Variants in POMT2 observed in about 807,000 individuals in gnomAD.
The protein encoded by POMT2 is protein O-mannosyl-transferase 2.
In POMT2, 75 loss-of-function variants were observed where a neutral mutation model predicts 100.0. That is an observed-to-expected ratio of 0.75 (90% CI 0.62 to 0.91). The LOEUF is 0.91. Ranked by LOEUF, POMT2 falls within the 40% of genes least tolerant of loss-of-function variation. POMT2 has a pLI of 0.00. For synonymous variants in POMT2, 378 were observed against 374.1 expected, an observed-to-expected ratio of 1.01 and a Z score of -0.12; for missense variants, 940 against 955.1, an observed-to-expected ratio of 0.98 and a Z score of 0.21.
At chr14:77,293,456 G>A (rs1364537225) in intron 9 of POMT2, among the ~76,000 whole-genome samples, 2 of 152,208 alleles carry the variant, frequency 1.3e-5, no homozygotes, top group Non-Finnish European at 2.9e-5. Flanking sequence ...ATAGCAGAAT[G>A]TTGTACATTA....
chr14:77,311,090 A>C (rs1370970337), intron 2 of POMT2, among the ~76,000 whole-genome samples: 3 of 152,242 alleles, frequency 2.0e-5, no homozygotes, highest in Non-Finnish European at 4.4e-5. Flanking sequence ...CCAAGATTGT[A>C]CCATTGCAGT....
At chr14:77,303,081 A>C in intron 4 of POMT2, 138 bp from the exon 5 acceptor site, 1 of 721,462 alleles carries the variant, frequency 1.4e-6, no homozygotes, top group Non-Finnish European at 2.5e-6. Context: ...ACTAGAGTCA[A>C]CACTGAGTCA....
rs886043974 is a variant in POMT2 at position 77,286,786 on chromosome 14, G to A, written c.1290C>T (p.Ala430=). 3 of 1,614,164 alleles carry A rather than the reference G, an allele frequency of 1.9e-6. No homozygotes were observed. The highest frequency in any genetic ancestry group is 2.5e-6 in the Non-Finnish European group (3 of 1,180,032). Reference sequence around the variant, plus strand: ...CCTGATAGTGCTTCCGGGTCATGGGGGCCTCATGATAGTGACTGTGCAAGT... The same window carrying A: ...CCTGATAGTGCTTCCGGGTCATGGGAGCCTCATGATAGTGACTGTGCAAGT... ...SRNLHSHYHE[A]PMTRKHYQVT... is the part of the protein sequence containing the mutation. Residue 430 remains alanine, a synonymous_variant, in exon 12 of 21, where the codon GCC becomes GCT. Transcript: ENST00000261534.
chr14:77,301,054 CA>C, intron 6 of POMT2, 35 bp downstream of exon 6: 1 of 1,613,272 alleles, frequency 6.2e-7, no homozygotes, highest in East Asian at 2.2e-5. Flanking sequence ...CATCAGGGAG[CA>C]AAAACATTTC....
intron 2 of POMT2, 26 bp from the exon 3 acceptor site, chr14:77,306,467 G>C (rs772786137): frequency 6.2e-7 from 1 of 1,609,552 alleles, no homozygotes; most frequent in Non-Finnish European, 8.5e-7. Context: ...CAAACAAAAA[G>C]ATGAGAAGCC....
intron 5 of POMT2, among the ~76,000 whole-genome samples, chr14:77,302,193 T>C (rs1891067793): frequency 6.6e-6 from 1 of 152,198 alleles, no homozygotes. Context: ...AATGAATGAC[T>C]TATTCTACTT....
At position 77,285,029 on chromosome 14, in the gene POMT2, C is replaced by T. The variant is rs141248257; in HGVS notation, c.1497G>A (p.Gln499=). The part of the protein sequence containing the change: ...GKVLPKWGWE[Q]LEVTCTPYLK... ...GGTATGGGGTGCAAGTAACTTCCAA[C>T]TGCTCCCAGCCCCTGTGAAAAGCAG... Residue 499 remains glutamine, a synonymous_variant, in exon 14 of 21, where the codon CAG becomes CAA. Coordinates refer to ENST00000261534, the MANE Select transcript of POMT2 (RefSeq NM_013382.7). 2 of 1,612,076 alleles carry T rather than the reference C, an allele frequency of 1.2e-6. No individual in the cohort carries two copies. The highest frequency in any genetic ancestry group is 1.3e-5 in the African/African-American group (1 of 74,974).
At chr14:77,312,067 T>A (rs767520538) in intron 1 of POMT2, 34 bp from the exon 2 acceptor site, 1 of 1,610,326 alleles carries the variant, frequency 6.2e-7, no homozygotes, top group South Asian at 1.1e-5. Context: ...ACAAGAATTT[T>A]AAAATTATCA....
chr14:77,319,090 C>T (rs1453868871), intron 1 of POMT2, among the ~76,000 whole-genome samples: 1 of 152,166 alleles, frequency 6.6e-6, no homozygotes, highest in African/African-American at 2.4e-5. Context: ...ATTGTAATTA[C>T]TGGTAATGAC....
intron 2 of POMT2, chr14:77,308,759 G>C (rs757258365): frequency 2.2e-6 from 1 of 454,220 alleles, no homozygotes; most frequent in East Asian, 7.0e-5. Context: ...CAACATCTTT[G>C]CAGGAAAACT....
chr14:77,320,814 G>A lies in POMT2; in HGVS notation c.-133C>T. The A allele has an allele frequency of 5.1e-6, 7 of 1,385,444 alleles. No homozygotes were observed. The highest frequency in any genetic ancestry group is 2.8e-6 in the Non-Finnish European group (3 of 1,077,476). The allele number at this position is 1,385,444 out of a possible 1,614,324, so 85.8% of individuals were successfully genotyped here. On this transcript the variant is annotated 5_prime_UTR_variant, in exon 1 of 21. Transcript: ENST00000261534. ...ACGCCCTTCACTGCAGCGGAGCGCG[G>A]GGCCCCGGGCTCGGGGCGGGGCGGG... is the stretch of plus-strand genomic sequence containing the variant.
At chr14:77,291,628 C>T (rs961133253) in intron 9 of POMT2, 1 of 605,510 alleles carries the variant, frequency 1.7e-6, no homozygotes, top group Non-Finnish European at 2.9e-6. Context: ...TTCTTTGTAT[C>T]TTTCTGCATC....
intron 2 of POMT2, among the ~76,000 whole-genome samples, chr14:77,310,111 T>C (rs574935400): frequency 1.3e-5 from 2 of 152,384 alleles, no homozygotes; most frequent in Non-Finnish European, 2.9e-5. Context: ...TGAAAAATCT[T>C]CATCAGAAAT....
chr14:77,320,376 G>C, intron 1 of POMT2, 58 bp downstream of exon 1: 9 of 1,541,806 alleles, frequency 5.8e-6, no homozygotes, highest in Non-Finnish European at 7.8e-6. Flanking sequence ...GGGCCAATCA[G>C]AGGGCGGCGT....
At chr14:77,310,790 G>C (rs1891408967) in intron 2 of POMT2, among the ~76,000 whole-genome samples, 1 of 152,212 alleles carries the variant, frequency 6.6e-6, no homozygotes, top group Admixed American at 6.5e-5. Context: ...AGAAAGCCTT[G>C]AGTGAATTCC....
intron 15 of POMT2, among the ~76,000 whole-genome samples, chr14:77,281,271 C>T (rs1201921957): frequency 3.9e-5 from 6 of 152,198 alleles, no homozygotes; most frequent in African/African-American, 1.4e-4. Context: ...CACTACTGCC[C>T]CTCTACCAGG....
chr14:77,303,923 C>G (rs1467611186), intron 4 of POMT2, among the ~76,000 whole-genome samples: 2 of 152,146 alleles, frequency 1.3e-5, no homozygotes, highest in Non-Finnish European at 2.9e-5. Flanking sequence ...TGGCCGGGAG[C>G]TGGGTAGGTG....
chr14:77,304,651 G>A (rs1228491985), intron 4 of POMT2, 41 bp downstream of exon 4: 2 of 1,554,508 alleles, frequency 1.3e-6, no homozygotes, highest in Non-Finnish European at 1.7e-6. Flanking sequence ...CGGAGTGGCA[G>A]CCCATTTCCC....
At chr14:77,294,801 T>C (rs557601261) in intron 9 of POMT2, among the ~76,000 whole-genome samples, 1 of 152,352 alleles carries the variant, frequency 6.6e-6, no homozygotes, top group African/African-American at 2.4e-5. Context: ...GGTATGTCTT[T>C]ATCAGCAGCA....
Sources: gnomAD v4.1 joint callset for allele counts (sites outside exome capture counted in the v4.1 genomes callset) on GRCh38, gnomAD v4.1.1 for gene constraint, MANE v1.5 for transcripts, NCBI Gene and HGNC (gene_info 2026-07-23, HGNC 2026-07-21) for gene names.